CNTNAP5: variants seen among roughly 807,000 people sequenced by gnomAD.
CNTNAP5 encodes contactin associated protein family member 5.
A neutral mutation model predicts 150.2 loss-of-function variants in CNTNAP5; 72 were observed. The observed-to-expected ratio is 0.48, with a 90% CI of 0.40 to 0.58. The LOEUF (loss-of-function observed/expected upper bound fraction) is 0.58, where lower values mean the gene tolerates loss of function less well. CNTNAP5 is among the 20% of genes least tolerant of loss of function. CNTNAP5 has a pLI of 0.00. For missense variants in CNTNAP5, 1,636 were observed against 1,626.2 expected, an observed-to-expected ratio of 1.01 and a Z score of -0.10; for synonymous variants, 672 against 619.8, an observed-to-expected ratio of 1.08 and a Z score of -1.25.
intron 1 of CNTNAP5, among the ~76,000 whole-genome samples, chr2:124,100,108 C>T (rs2104695418): frequency 6.6e-6 from 1 of 152,198 alleles, no homozygotes; most frequent in East Asian, 1.9e-4. Flanking sequence ...TTTGGGGAGG[C>T]CTCAGGAAGC....
chr2:124,446,062 A>G (rs1692807569), intron 5 of CNTNAP5, among the ~76,000 whole-genome samples: 1 of 152,092 alleles, frequency 6.6e-6, no homozygotes, highest in Non-Finnish European at 1.5e-5. Flanking sequence ...CTAAATCCTC[A>G]ACAGTATGAC....
intron 4 of CNTNAP5, among the ~76,000 whole-genome samples, chr2:124,430,389 CA>C (rs1300641669): frequency 2.0e-5 from 3 of 152,014 alleles, no homozygotes; most frequent in Non-Finnish European, 4.4e-5. Flanking sequence ...AGTTCCTGTG[CA>C]AAAAAACATC....
intron 12 of CNTNAP5, among the ~76,000 whole-genome samples, chr2:124,632,058 G>A (rs892326397): frequency 6.6e-6 from 1 of 151,684 alleles, no homozygotes; most frequent in South Asian, 2.1e-4. Context: ...AAAGTCAGAT[G>A]CTGGCGAGGT....
chr2:124,604,861 A>G (rs1697066140), intron 11 of CNTNAP5, among the ~76,000 whole-genome samples: 2 of 152,198 alleles, frequency 1.3e-5, no homozygotes, highest in Admixed American at 1.3e-4. Flanking sequence ...ACTTAGTGAA[A>G]TAAACATTTA....
intron 2 of CNTNAP5, among the ~76,000 whole-genome samples, chr2:124,232,363 A>T (rs2104754450): frequency 6.6e-6 from 1 of 152,254 alleles, no homozygotes; most frequent in East Asian, 1.9e-4. Flanking sequence ...TCTAACTGGG[A>T]ATAGTTAGAA....
chr2:124,778,230 C>T (rs1008353861), intron 17 of CNTNAP5, among the ~76,000 whole-genome samples: 1 of 152,118 alleles, frequency 6.6e-6, no homozygotes, highest in African/African-American at 2.4e-5. Flanking sequence ...GTGGCTGAGG[C>T]TGTAACACTG....
chr2:124,239,700 T>A (rs931207462), intron 2 of CNTNAP5, among the ~76,000 whole-genome samples: 1 of 152,012 alleles, frequency 6.6e-6, no homozygotes, highest in Admixed American at 6.6e-5. Context: ...CAACATTTTT[T>A]TTTTTTACTG....
intron 3 of CNTNAP5, among the ~76,000 whole-genome samples, chr2:124,266,117 C>A (rs1267428769): frequency 1.3e-5 from 2 of 152,048 alleles, no homozygotes; most frequent in African/African-American, 4.8e-5. Context: ...AATTATTGGG[C>A]CCATAAGACT....
rs373839750 is a variant in CNTNAP5 at position 124,194,049 on chromosome 2, G to A, written c.83-27656G>A. Among the ~76,000 whole-genome samples the A allele has an allele frequency of 1.2e-4, 18 of 152,128 alleles. No homozygotes were observed. In the Middle Eastern group the frequency reaches 0.017, roughly 144 times the overall value. The stretch of plus-strand genomic sequence containing the variant: ...TCTTGCGATAGCTTTGTGCCTGTTC[G>A]CTGCACACAGCTCTGATTCTCACTC... On this transcript the variant is annotated intron_variant, in intron 1 of 23. Coordinates refer to ENST00000682447, the MANE Select transcript of CNTNAP5 (RefSeq NM_001367498.1).
intron 1 of CNTNAP5, among the ~76,000 whole-genome samples, chr2:124,188,039 A>G (rs577833821): frequency 1.1e-3 from 162 of 152,270 alleles, no homozygotes; most frequent in Admixed American, 2.2e-3. Flanking sequence ...TATCAGACAA[A>G]GTGTGCTTAT....
At chr2:124,069,413 A>G (rs901287757) in intron 1 of CNTNAP5, among the ~76,000 whole-genome samples, 3 of 152,150 alleles carry the variant, frequency 2.0e-5, no homozygotes, top group African/African-American at 4.8e-5. Context: ...GTCTGGGGGA[A>G]CTTGCCACCC....
chr2:124,769,090 C>T (rs1420602649), intron 16 of CNTNAP5, among the ~76,000 whole-genome samples: 2 of 152,038 alleles, frequency 1.3e-5, no homozygotes, highest in African/African-American at 2.4e-5. Context: ...GGATTGAGGA[C>T]ACAGAAATGG....
intron 13 of CNTNAP5, among the ~76,000 whole-genome samples, chr2:124,709,974 TA>T (rs1391355382): frequency 6.6e-6 from 1 of 152,032 alleles, no homozygotes; most frequent in African/African-American, 2.4e-5. Flanking sequence ...GATTTAAATG[TA>T]AAAAAGTAAT....
chr2:124,419,115 T>G (rs1692007068), intron 4 of CNTNAP5, among the ~76,000 whole-genome samples: 2 of 97,506 alleles, frequency 2.1e-5, no homozygotes, highest in South Asian at 7.8e-4. Context: ...CCGTCCGGCC[T>G]GGGCGACAGA....
intron 12 of CNTNAP5, among the ~76,000 whole-genome samples, chr2:124,636,573 T>A (rs1677973996): frequency 6.6e-6 from 1 of 152,178 alleles, no homozygotes; most frequent in Non-Finnish European, 1.5e-5. Flanking sequence ...AATTTAATAA[T>A]GATTGTAATT....
intron 3 of CNTNAP5, among the ~76,000 whole-genome samples, chr2:124,251,069 A>G (rs990187023): frequency 3.9e-5 from 6 of 152,136 alleles, no homozygotes; most frequent in African/African-American, 7.2e-5. Context: ...TCTCTGACCA[A>G]TTGCAATTGT....
At chr2:124,314,120 C>T (rs1688900306) in intron 3 of CNTNAP5, among the ~76,000 whole-genome samples, 1 of 152,176 alleles carries the variant, frequency 6.6e-6, no homozygotes, top group Non-Finnish European at 1.5e-5. Context: ...ACCAGATTCA[C>T]AAGGAATAAT....
In CNTNAP5 at chr2:124,869,765, A is replaced by G. The variant is rs1365462370; in HGVS notation, c.3436+3A>G. On this transcript the variant is annotated splice_donor_region_variant and intron_variant, in intron 21 of 23. Transcript: ENST00000682447. ...ACTCACCTTGGGCAAAGTCACAGGT[A>G]TGTTGTTCTAGTTCATACCTTTCCA... The G allele has an allele frequency of 6.4e-7, 1 of 1,566,212 alleles. No individual in the cohort carries two copies. Among genetic ancestry groups the G allele is most frequent in the Non-Finnish European group, 8.8e-7 (1 of 1,137,238 alleles).
intron 1 of CNTNAP5, among the ~76,000 whole-genome samples, chr2:124,060,960 A>AGTCT (rs1171642624): frequency 6.6e-6 from 1 of 152,104 alleles, no homozygotes; most frequent in Non-Finnish European, 1.5e-5. Context: ...ATGTCATTTA[A>AGTCT]GTCTGTCTTT....
Sources: allele counts gnomAD v4.1 joint callset (sites outside exome capture counted in the v4.1 genomes callset), GRCh38; gene constraint gnomAD v4.1.1; transcripts MANE v1.5; gene names NCBI Gene and HGNC (gene_info 2026-07-23, HGNC 2026-07-21).